PHLDB3: variants seen among roughly 807,000 people sequenced by gnomAD.
The protein encoded by PHLDB3 is pleckstrin homology-like domain family B member 3.
In PHLDB3, 86 loss-of-function variants were observed where a neutral mutation model predicts 85.7. The observed-to-expected ratio is 1.00, with a 90% CI of 0.84 to 1.20. The LOEUF is 1.20. Among genes scored for constraint, PHLDB3 ranks in the 50% most tolerant of loss-of-function variants. PHLDB3 has a pLI of 0.00. For missense variants in PHLDB3, 995 were observed against 873.0 expected (o/e 1.14, Z -1.76); for synonymous variants, 376 against 349.8 (o/e 1.07, Z -0.83).
chr19:43,478,085 C>T lies in PHLDB3; in HGVS notation c.1750G>A (p.Glu584Lys), dbSNP rs1669404424. 1.9e-6 allele frequency: 3 copies of T among 1,613,704 alleles called. No individual in the cohort carries two copies. Among genetic ancestry groups the T allele is most frequent in the Non-Finnish European group, 2.5e-6 (3 of 1,179,692 alleles). ...LKGVIYFQAI[E>K]EVYYDHLRCA... ...CGTAAGTGGTCATAATAGACTTCCT[C>T]AATGGCCTGGAAGTAGATGACACCT... The change falls in exon 15 of 16, where the codon GAG becomes AAG. Residue 584 changes from glutamate to lysine, a missense_variant. Coordinates refer to ENST00000292140, the MANE Select transcript of PHLDB3 (RefSeq NM_198850.4).
chr19:43,500,923 C>CCCCCCCCCCA (rs1555757872), intron 4 of PHLDB3, among the ~76,000 whole-genome samples: 3 of 105,760 alleles, frequency 2.8e-5, no homozygotes, highest in South Asian at 3.6e-4. Flanking sequence ...CCCCCCCACC[C>CCCCCCCCCCA]CGCAAGTACT....
chr19:43,477,364 CAA>C (rs1435110311), intron 15 of PHLDB3, among the ~76,000 whole-genome samples: 1 of 150,802 alleles, frequency 6.6e-6, no homozygotes, highest in Non-Finnish European at 1.5e-5. Flanking sequence ...ACTAAAAATA[CAA>C]AAGTTAGCCA....
chr19:43,500,411 AT>A (rs1267898421), intron 4 of PHLDB3, among the ~76,000 whole-genome samples: 1 of 152,130 alleles, frequency 6.6e-6, no homozygotes, highest in Admixed American at 6.6e-5. Context: ...CAGGCATGCG[AT>A]CAGCCATGCT....
intron 15 of PHLDB3, among the ~76,000 whole-genome samples, chr19:43,477,136 C>T (rs986675216): frequency 3.3e-5 from 5 of 152,178 alleles, no homozygotes; most frequent in South Asian, 2.1e-4. Context: ...CCAGGCTGCC[C>T]GACCCTTGCT....
At chr19:43,489,809 C>A (rs1323124453) in intron 9 of PHLDB3, among the ~76,000 whole-genome samples, 1 of 151,818 alleles carries the variant, frequency 6.6e-6, no homozygotes, top group Non-Finnish European at 1.5e-5. Flanking sequence ...GAGTTCGAGA[C>A]CAGCCTGGCC....
intron 9 of PHLDB3, among the ~76,000 whole-genome samples, chr19:43,491,001 G>C (rs1971300187): frequency 6.6e-6 from 1 of 152,192 alleles, no homozygotes; most frequent in Non-Finnish European, 1.5e-5. Flanking sequence ...ATGGCCCCCA[G>C]GTGAGATCCA....
At chr19:43,492,117 T>C (rs1025539618) in intron 9 of PHLDB3, among the ~76,000 whole-genome samples, 3 of 151,136 alleles carry the variant, frequency 2.0e-5, no homozygotes, top group African/African-American at 7.3e-5. Flanking sequence ...CACACCCGGC[T>C]AATTTTTGTA....
intron 9 of PHLDB3, among the ~76,000 whole-genome samples, chr19:43,491,944 C>CATT (rs1555755648): frequency 2.7e-4 from 18 of 67,782 alleles, no homozygotes; most frequent in African/African-American, 1.3e-3. Context: ...TGCACCTGGC[C>CATT]GTTTTTTTTT....
intron 9 of PHLDB3, among the ~76,000 whole-genome samples, chr19:43,492,942 T>C (rs1971355043): frequency 6.6e-6 from 1 of 152,050 alleles, no homozygotes; most frequent in South Asian, 2.1e-4. Context: ...ACTGTAAATG[T>C]ATCAATGTAA....
chr19:43,504,194 G>T, intron 1 of PHLDB3, 62 bp from the exon 2 acceptor site: 1 of 1,432,460 alleles, frequency 7.0e-7, no homozygotes, highest in Non-Finnish European at 9.3e-7. Context: ...AGCGCCGCTC[G>T]CGTCTGCTCC....
chr19:43,504,325 G>A (rs1568488151), intron 1 of PHLDB3, 193 bp from the exon 2 acceptor site: 1 of 608,234 alleles, frequency 1.6e-6, no homozygotes, highest in South Asian at 2.1e-5. Context: ...AAGGCGACAC[G>A]CCACCGGAGA....
chr19:43,475,586 C>A, intron 15 of PHLDB3, 42 bp from the exon 16 acceptor site: 3 of 1,612,164 alleles, frequency 1.9e-6, no homozygotes, highest in Non-Finnish European at 2.5e-6. Flanking sequence ...ACAAAAGACA[C>A]CGGCCACAGT....
At chr19:43,482,240 G>A (rs561396238) in intron 13 of PHLDB3, among the ~76,000 whole-genome samples, 33 of 152,276 alleles carry the variant, frequency 2.2e-4, no homozygotes, top group East Asian at 1.9e-4. Flanking sequence ...ACCACTGCCC[G>A]GCTGTGTCAC....
intron 9 of PHLDB3, among the ~76,000 whole-genome samples, chr19:43,492,476 A>G (rs1971342859): frequency 6.6e-6 from 1 of 152,088 alleles, no homozygotes; most frequent in Non-Finnish European, 1.5e-5. Context: ...CAGCCTCCCA[A>G]AATGCTGGGG....
chr19:43,490,467 C>T (rs1400202072), intron 9 of PHLDB3, among the ~76,000 whole-genome samples: 1 of 151,986 alleles, frequency 6.6e-6, no homozygotes. Flanking sequence ...GCAGGAGAAT[C>T]GCTTGAGTCT....
intron 13 of PHLDB3, among the ~76,000 whole-genome samples, chr19:43,481,715 G>A (rs1971050698): frequency 6.6e-6 from 1 of 151,646 alleles, no homozygotes; most frequent in African/African-American, 2.4e-5. Context: ...GATCGCTTGA[G>A]CCCAGGAGGT....
chr19:43,504,442 C>T, intron 1 of PHLDB3, 147 bp downstream of exon 1: 2 of 448,714 alleles, frequency 4.5e-6, no homozygotes, highest in South Asian at 3.2e-5. Flanking sequence ...CTCCCAGCAG[C>T]CCCCTACAAT....
chr19:43,502,239 T>G lies in PHLDB3; in HGVS notation c.258A>C (p.Ala86=). The change falls in exon 3 of 16, where the codon GCA becomes GCC. Residue 86 remains alanine, a synonymous_variant. Transcript: ENST00000292140. ...PPIAMAATPP[A]STSSREGVRG... ...GCACCCCTTCCCGCGAAGAGGTGGA[T>G]GCGGGAGGTGTGGCCGCCATAGCTA... The G allele has an allele frequency of 6.4e-7, 1 of 1,563,560 alleles. No individual in the cohort carries two copies. The highest frequency in any genetic ancestry group is 1.7e-4 in the Middle Eastern group (1 of 5,968).
rs1398612454 is a variant in PHLDB3 at position 43,502,217 on chromosome 19, C to A, written c.280G>T (p.Val94Leu). 1 of 1,564,538 alleles carries A rather than the reference C, an allele frequency of 6.4e-7. No individual in the cohort carries two copies. Among genetic ancestry groups the A allele is most frequent in the African/African-American group, 1.4e-5 (1 of 73,700 alleles). ...TGCAGGCGCCGCGCCGCCCCTCGCA[C>A]CCCTTCCCGCGAAGAGGTGGATGCG... ...PPASTSSREG[V>L]RGAARRLQGQ... Residue 94 changes from valine to leucine, a missense_variant, in exon 3 of 16, where the codon GTG becomes TTG. Physicochemically the swap from Val to Leu is conservative, Grantham distance 32 (BLOSUM62 1). Transcript: ENST00000292140.
Sources: allele counts gnomAD v4.1 joint callset (sites outside exome capture counted in the v4.1 genomes callset), GRCh38; gene constraint gnomAD v4.1.1; transcripts MANE v1.5; gene names NCBI Gene and HGNC (gene_info 2026-07-23, HGNC 2026-07-21).